UBXN7: variants seen among roughly 807,000 people sequenced by gnomAD.
The protein encoded by UBXN7 is UBX domain-containing protein 7.
In UBXN7, 9 loss-of-function variants were observed where a neutral mutation model predicts 58.0. That is an observed-to-expected ratio of 0.16 (90% confidence interval 0.09 to 0.27). The LOEUF (loss-of-function observed/expected upper bound fraction) is 0.27, where lower values mean the gene tolerates loss of function less well. Among genes scored for constraint, UBXN7 ranks in the 10% least tolerant of loss-of-function variants. UBXN7 has a pLI of 1.00. For missense variants in UBXN7, 328 were observed against 599.6 expected (o/e 0.55, Z 4.73); for synonymous variants, 208 against 205.0 (o/e 1.01, Z -0.12).
Position 196,385,090 on chromosome 3 carries a change from T to C in UBXN7, c.468+6723A>G, listed in dbSNP as rs556988865. Reference sequence around the variant, plus strand: ...CTGTACTGCCGCCATCTCGACTCACTGCAACCTCCCTGCCTGATTCTCCTG... The same window carrying C: ...CTGTACTGCCGCCATCTCGACTCACCGCAACCTCCCTGCCTGATTCTCCTG... On this transcript the variant is annotated intron_variant, in intron 5 of 10. Transcript: ENST00000296328. 3.3e-5 allele frequency among the ~76,000 whole-genome samples: 5 copies of C among 152,344 alleles called. No homozygotes were observed. The South Asian group carries it at 1.0e-3, about 32-fold the overall frequency.
intron 1 of UBXN7, 95 bp downstream of exon 1, chr3:196,432,232 G>A (rs751115474): frequency 5.9e-6 from 9 of 1,525,176 alleles, no homozygotes; most frequent in South Asian, 1.2e-5. Flanking sequence ...GGTAAAGCCC[G>A]AAGGAGGAAT....
intron 1 of UBXN7, among the ~76,000 whole-genome samples, chr3:196,415,527 A>G (rs1028328251): frequency 2.9e-4 from 42 of 146,460 alleles, no homozygotes; most frequent in African/African-American, 9.4e-4. Flanking sequence ...CTGTAATCCC[A>G]GCACTTTCGG....
chr3:196,395,110 G>A (rs1313301610), intron 3 of UBXN7, among the ~76,000 whole-genome samples: 1 of 152,118 alleles, frequency 6.6e-6, no homozygotes, highest in Non-Finnish European at 1.5e-5. Flanking sequence ...GTTGGCTTAT[G>A]GCAAGGCTGG....
chr3:196,383,168 T>C (rs1429204048), intron 5 of UBXN7, among the ~76,000 whole-genome samples: 3 of 150,224 alleles, frequency 2.0e-5, no homozygotes, highest in Middle Eastern at 3.4e-3. Context: ...TCCTAGTCTC[T>C]GATAAAACAG....
intron 3 of UBXN7, among the ~76,000 whole-genome samples, chr3:196,394,007 G>A (rs1042676705): frequency 2.6e-5 from 4 of 152,038 alleles, no homozygotes; most frequent in South Asian, 2.1e-4. Flanking sequence ...GTTTACTATC[G>A]GCTGGGCATG....
intron 3 of UBXN7, among the ~76,000 whole-genome samples, chr3:196,401,998 T>C (rs1294372827): frequency 6.6e-6 from 1 of 152,010 alleles, no homozygotes. Context: ...GGAAAAAAAT[T>C]TGTATGTCTC....
intron 2 of UBXN7, among the ~76,000 whole-genome samples, chr3:196,404,452 C>T (rs1284807856): frequency 2.6e-5 from 4 of 151,658 alleles, no homozygotes; most frequent in African/African-American, 9.7e-5. Flanking sequence ...TTAGTGGAGA[C>T]GGGGTTTCAC....
chr3:196,403,670 T>C (rs576271989), intron 2 of UBXN7, among the ~76,000 whole-genome samples: 21 of 152,204 alleles, frequency 1.4e-4, no homozygotes, highest in African/African-American at 4.6e-4. Flanking sequence ...AGAAGCAATA[T>C]CACATTACTA....
At chr3:196,420,766 G>A (rs1186185847) in intron 1 of UBXN7, among the ~76,000 whole-genome samples, 1 of 151,984 alleles carries the variant, frequency 6.6e-6, no homozygotes, top group African/African-American at 2.4e-5. Context: ...ACCCAGCTGT[G>A]GCACACAACT....
intron 2 of UBXN7, among the ~76,000 whole-genome samples, chr3:196,405,209 C>A (rs532640783): frequency 1.3e-5 from 2 of 151,886 alleles, no homozygotes; most frequent in African/African-American, 2.4e-5. Flanking sequence ...CAGTGGCTCA[C>A]GCCTGTAATC....
At chr3:196,397,019 T>G (rs1277890168) in intron 3 of UBXN7, among the ~76,000 whole-genome samples, 1 of 152,134 alleles carries the variant, frequency 6.6e-6, no homozygotes, top group Admixed American at 6.6e-5. Flanking sequence ...CTAATAACCC[T>G]CTTCCCATTT....
intron 1 of UBXN7, among the ~76,000 whole-genome samples, chr3:196,420,798 G>A (rs963201803): frequency 4.6e-5 from 7 of 152,086 alleles, no homozygotes; most frequent in Admixed American, 1.3e-4. Flanking sequence ...TTTTCATGCT[G>A]CTATCTCCTA....
intron 6 of UBXN7, 149 bp from the exon 7 acceptor site, chr3:196,369,660 C>G: frequency 1.7e-6 from 1 of 593,324 alleles, no homozygotes. Flanking sequence ...GAAAATAAAT[C>G]TGGTTTGAAC....
intron 2 of UBXN7, among the ~76,000 whole-genome samples, chr3:196,406,705 A>G (rs1730173083): frequency 6.6e-6 from 1 of 152,048 alleles, no homozygotes; most frequent in Non-Finnish European, 1.5e-5. Flanking sequence ...CGGCCTCCCA[A>G]AGTGCCGGGA....
In UBXN7 at chr3:196,409,261, C is replaced by T. The variant is rs183140829; in HGVS notation, c.74-1868G>A. Among the ~76,000 whole-genome samples, 4 of 152,144 alleles carry T rather than the reference C, an allele frequency of 2.6e-5. No individual in the cohort carries two copies. In the East Asian group the frequency reaches 7.7e-4, roughly 29 times the overall value. On this transcript the variant is annotated intron_variant, in intron 1 of 10. Coordinates refer to ENST00000296328, the MANE Select transcript of UBXN7 (RefSeq NM_015562.2). Reference sequence around the variant, plus strand: ...CTGTTTTTGTTTACGTCCTCATCTGCTTGATCATGTTTTGGAGATCCTTAA... The same window carrying T: ...CTGTTTTTGTTTACGTCCTCATCTGTTTGATCATGTTTTGGAGATCCTTAA...
chr3:196,350,567 G>A lies in UBXN7; in HGVS notation c.*6118C>T, dbSNP rs905277678. On this transcript the variant is annotated 3_prime_UTR_variant, in exon 11 of 11. Transcript: ENST00000296328. Reference sequence around the variant, plus strand: ...TGGTGGAGAAGTAAAATGGAAAGCAGGATTAAAAGATTTCTAATTAAGGGT... The same window carrying A: ...TGGTGGAGAAGTAAAATGGAAAGCAAGATTAAAAGATTTCTAATTAAGGGT... 6.6e-6 allele frequency: 1 copy of A among 152,212 alleles called. No homozygotes were observed. Among genetic ancestry groups the A allele is most frequent in the Non-Finnish European group, 1.5e-5 (1 of 68,038 alleles). 9.4% of individuals were successfully genotyped at this position (152,212 alleles called of 1,614,324 possible). A position where few individuals can be genotyped will look rare whatever the true frequency, so the allele number is the denominator to read the frequency against.
At chr3:196,363,172 G>C (rs1728553025) in intron 8 of UBXN7, among the ~76,000 whole-genome samples, 1 of 151,056 alleles carries the variant, frequency 6.6e-6, no homozygotes. Context: ...CAAAGTGCTG[G>C]GATTACAGGC....
At chr3:196,363,712 T>C (rs1728576372) in intron 8 of UBXN7, among the ~76,000 whole-genome samples, 1 of 151,444 alleles carries the variant, frequency 6.6e-6, no homozygotes, top group Non-Finnish European at 1.5e-5. Flanking sequence ...GCAGATCACC[T>C]GAGGTCAGGA....
chr3:196,412,374 T>C (rs1355251782), intron 1 of UBXN7, among the ~76,000 whole-genome samples: 1 of 151,826 alleles, frequency 6.6e-6, no homozygotes, highest in African/African-American at 2.4e-5. Flanking sequence ...CGGTCAACTG[T>C]TTTTTTTAGT....
Sources: allele counts gnomAD v4.1 joint callset (sites outside exome capture counted in the v4.1 genomes callset), GRCh38; gene constraint gnomAD v4.1.1; transcripts MANE v1.5; gene names NCBI Gene and HGNC (gene_info 2026-07-23, HGNC 2026-07-21).